TNS3: variants seen among roughly 807,000 people sequenced by gnomAD.
TNS3 encodes tensin-3.
A neutral mutation model predicts 140.9 loss-of-function variants in TNS3; 45 were observed. The ratio of observed to expected loss-of-function variants is 0.32; its 90% confidence interval spans 0.25 to 0.41. The LOEUF is 0.41. Ranked by LOEUF, TNS3 falls within the 10% of genes least tolerant of loss-of-function variation. The probability of loss-of-function intolerance (pLI) is 1.00; values close to 1 mark genes in which losing one functional copy is unlikely to be tolerated. For synonymous variants in TNS3, 815 were observed against 788.4 expected, an observed-to-expected ratio of 1.03 and a Z score of -0.56; for missense variants, 1,716 against 1,906.7, an observed-to-expected ratio of 0.90 and a Z score of 1.86.
intron 7 of TNS3, 23 bp downstream of exon 7, chr7:47,437,240 A>C: frequency 6.5e-7 from 1 of 1,528,770 alleles, no homozygotes. Context: ...AAAATGCAGA[A>C]TATAAAGGGA....
Position 47,497,467 on chromosome 7 carries a change from C to T in TNS3, c.-115+9440G>A, listed in dbSNP as rs561627816. Among the ~76,000 whole-genome samples the T allele has an allele frequency of 2.0e-4, 30 of 152,232 alleles. No homozygotes were observed. In the South Asian group the frequency reaches 6.2e-3, roughly 32 times the overall value. On this transcript the variant is annotated intron_variant, in intron 3 of 30. Transcript: ENST00000311160. ...AGAGGAAGAAACTGAAGCCCAAGGTCACATGGGTAAGACAAAGCAGAGTCA... is the reference window on the plus strand; with the variant it reads ...AGAGGAAGAAACTGAAGCCCAAGGTTACATGGGTAAGACAAAGCAGAGTCA...
rs1487493411 is a variant in TNS3 at position 47,424,711 on chromosome 7, AGCCTGT to A, written c.390-533_390-528del. 1.9e-4 allele frequency among the ~76,000 whole-genome samples: 29 copies of A among 152,326 alleles called. No homozygotes were observed. In the East Asian group the frequency reaches 5.4e-3, roughly 28 times the overall value. On this transcript the variant is annotated intron_variant, in intron 9 of 30. Transcript: ENST00000311160. ...GGCACCCTCGGGACACAAGTGGGCC[AGCCTGT>A]GCCCCGCCAGTATGTCACTCCCAGG...
chr7:47,358,984 G>GTC (rs1162675466), intron 17 of TNS3, among the ~76,000 whole-genome samples: 1 of 152,096 alleles, frequency 6.6e-6, no homozygotes, highest in Non-Finnish European at 1.5e-5. Flanking sequence ...AAGCATCAGT[G>GTC]GGGAAGTTCC....
chr7:47,368,703 C>G lies in TNS3; in HGVS notation c.1943G>C (p.Gly648Ala), dbSNP rs1297794191. The G allele has an allele frequency of 7.6e-6, 12 of 1,583,338 alleles. No homozygotes were observed. The East Asian group carries it at 2.7e-4, about 36-fold the overall frequency. The change falls in exon 17 of 31, where the codon GGC becomes GCC. Residue 648 changes from glycine to alanine, a missense_variant. Gly to Ala is a moderately conservative substitution (Grantham distance 60, BLOSUM62 0). Around this residue, in one of 3 missense-constraint regions of TNS3, gnomAD observed 1,163 missense variants for 1,182.1 expected, o/e 0.98. Transcript: ENST00000311160. ...SSRVAVQRGV[G>A]SGPHPPDTQQ... ...TGTGTCAGGGGGATGTGGCCCACTG[C>G]CTACACCCCTCTGGACAGCCACCCT...
chr7:47,487,588 C>T (rs917228481), intron 3 of TNS3, among the ~76,000 whole-genome samples: 1 of 152,096 alleles, frequency 6.6e-6, no homozygotes, highest in African/African-American at 2.4e-5. Flanking sequence ...ACACCGAATG[C>T]AAATCCGTGG....
intron 27 of TNS3, among the ~76,000 whole-genome samples, chr7:47,284,969 C>T (rs1056646103): frequency 6.6e-6 from 1 of 152,186 alleles, no homozygotes; most frequent in African/African-American, 2.4e-5. Context: ...CCAGCAAGGG[C>T]CATGCCTATT....
rs749001457 is a variant in TNS3 at position 47,439,521 on chromosome 7, C to T, written c.116G>A (p.Arg39His). 4.3e-6 allele frequency: 7 copies of T among 1,613,734 alleles called. No individual in the cohort carries two copies. Among genetic ancestry groups the T allele is most frequent in the African/African-American group, 1.3e-5 (1 of 74,898 alleles). The change falls in exon 6 of 31, where the codon CGC becomes CAC. Residue 39 changes from arginine to histidine, a missense_variant. Arg to His is a conservative substitution (Grantham distance 29, BLOSUM62 0). Transcript: ENST00000311160. ...GTCCCCGTGCTTGGACTTGAGCATG[C>T]GCGTGACCTCCTGTAGGTTGTGCAG... ...SYLHNLQEVTRMLKSKHGDNY... is the reference protein window; with the variant it reads ...SYLHNLQEVTHMLKSKHGDNY...
intron 3 of TNS3, among the ~76,000 whole-genome samples, chr7:47,500,415 G>C (rs977614033): frequency 6.6e-6 from 1 of 152,256 alleles, no homozygotes; most frequent in African/African-American, 2.4e-5. Context: ...GACCATCGCA[G>C]GCTTTAGCAA....
At chr7:47,426,439 AC>A (rs1794654269) in intron 9 of TNS3, among the ~76,000 whole-genome samples, 1 of 152,254 alleles carries the variant, frequency 6.6e-6, no homozygotes, top group African/African-American at 2.4e-5. Context: ...AAATCAAGTC[AC>A]AAAAAGCATG....
chr7:47,346,834 T>C (rs2151005035), intron 17 of TNS3, among the ~76,000 whole-genome samples: 1 of 152,282 alleles, frequency 6.6e-6, no homozygotes, highest in African/African-American at 2.4e-5. Flanking sequence ...ATCTTAGCAA[T>C]GAGAAATTCT....
chr7:47,563,973 C>G (rs1031956705), intron 1 of TNS3, among the ~76,000 whole-genome samples: 3 of 152,016 alleles, frequency 2.0e-5, no homozygotes, highest in Non-Finnish European at 4.4e-5. Context: ...ATGGGCAGAT[C>G]ACGAGGTCAG....
intron 4 of TNS3, among the ~76,000 whole-genome samples, chr7:47,443,618 G>A (rs1457813224): frequency 1.3e-5 from 2 of 152,158 alleles, no homozygotes; most frequent in African/African-American, 2.4e-5. Context: ...TTGTCAGTGT[G>A]TATAAAAAGT....
At chr7:47,575,816 C>G (rs1430663956) in intron 1 of TNS3, among the ~76,000 whole-genome samples, 1 of 101,216 alleles carries the variant, frequency 9.9e-6, no homozygotes, top group Admixed American at 1.2e-4. Flanking sequence ...GAGTGAGACT[C>G]TGCCTCAAAA....
intron 2 of TNS3, among the ~76,000 whole-genome samples, chr7:47,525,885 C>G (rs934263290): frequency 6.6e-6 from 1 of 152,216 alleles, no homozygotes; most frequent in African/African-American, 2.4e-5. Context: ...TAAAATACCA[C>G]AAAACAGAGT....
chr7:47,345,053 G>A lies in TNS3; in HGVS notation c.2452-15C>T. 4 of 1,605,342 alleles carry A rather than the reference G, an allele frequency of 2.5e-6. No homozygotes were observed. The highest frequency in any genetic ancestry group is 3.4e-6 in the Non-Finnish European group (4 of 1,173,460). ...GGGGTCATCGTCTGAAATTGGCACA[G>A]GGAGTAGAATGTGAGAACAGGGAGT... On this transcript the variant is annotated splice_polypyrimidine_tract_variant and intron_variant, in intron 18 of 30. Coordinates refer to ENST00000311160, the MANE Select transcript of TNS3 (RefSeq NM_022748.12).
At chr7:47,509,994 T>C (rs10242023) in intron 2 of TNS3, among the ~76,000 whole-genome samples, 1,607 of 152,234 alleles carry the variant, frequency 0.011, 18 homozygotes, top group African/African-American at 0.036. Flanking sequence ...GCTAATACAC[T>C]CAGCACCTAA....
At chr7:47,441,903 G>T (rs1281387763) in intron 5 of TNS3, 100 bp downstream of exon 5, 3 of 870,946 alleles carry the variant, frequency 3.4e-6, no homozygotes, top group Non-Finnish European at 4.9e-6. Context: ...CAGAAATTAT[G>T]ATTTCTACAG....
chr7:47,469,839 T>C (rs150263728), intron 4 of TNS3, among the ~76,000 whole-genome samples: 46 of 152,042 alleles, frequency 3.0e-4, no homozygotes, highest in African/African-American at 1.1e-3. Context: ...CCAGGCGTAA[T>C]GGCAGGTGCG....
chr7:47,312,903 T>A (rs1787187063), intron 20 of TNS3, among the ~76,000 whole-genome samples: 1 of 151,790 alleles, frequency 6.6e-6, no homozygotes, highest in South Asian at 2.1e-4. Flanking sequence ...AAAATAAAAA[T>A]AAAAAATAAA....
Sources: gnomAD v4.1 joint callset for allele counts (sites outside exome capture counted in the v4.1 genomes callset) on GRCh38, gnomAD v4.1.1 for gene constraint, gnomAD v4.1.1 regional missense constraint, MANE v1.5 for transcripts, NCBI Gene and HGNC (gene_info 2026-07-23, HGNC 2026-07-21) for gene names.